The following GAB3 variants were observed in gnomAD, a reference collection of about 807,000 sequenced individuals.
GAB3 encodes GRB2-associated-binding protein 3.
A neutral mutation model predicts 40.4 loss-of-function variants in GAB3; 12 were observed. The ratio of observed to expected loss-of-function variants is 0.30; its 90% CI spans 0.19 to 0.48. The LOEUF is 0.48. Among genes scored for constraint, GAB3 ranks in the 20% least tolerant of loss-of-function variants. The pLI is 0.99. For missense variants in GAB3, 381 were observed against 461.9 expected, an observed-to-expected ratio of 0.82 and a Z score of 1.61; for synonymous variants, 154 against 176.7, an observed-to-expected ratio of 0.87 and a Z score of 1.02.
intron 1 of GAB3, among the ~76,000 whole-genome samples, chrX:154,747,489 T>C: frequency 8.9e-6 from 1 of 112,184 alleles, no homozygotes; most frequent in African/African-American, 3.2e-5. Flanking sequence ...AATATCTAAA[T>C]ATAAAATATA....
At chrX:154,683,136 A>G (rs1557247136) in intron 8 of GAB3, among the ~76,000 whole-genome samples, 1 of 112,186 alleles carries the variant, frequency 8.9e-6, no homozygotes, top group African/African-American at 3.2e-5. Context: ...CGAAAGACCA[A>G]AAAGCTAACG....
chrX:154,718,664 C>G (rs149567686), intron 1 of GAB3, among the ~76,000 whole-genome samples: 10 of 111,062 alleles, frequency 9.0e-5, no homozygotes, highest in African/African-American at 2.6e-4. Flanking sequence ...CTGAGGCAAA[C>G]AGGAACATAA....
At chrX:154,678,540 C>T (rs1243065981) in intron 9 of GAB3, among the ~76,000 whole-genome samples, 3 of 111,792 alleles carry the variant, frequency 2.7e-5, no homozygotes, top group East Asian at 2.8e-4. Flanking sequence ...CATGGCGGCA[C>T]GTGCCTGTAA....
chrX:154,728,843 A>C (rs782478409), intron 1 of GAB3, among the ~76,000 whole-genome samples: 244 of 112,679 alleles, frequency 2.2e-3, no homozygotes, highest in African/African-American at 7.4e-3. Context: ...TGTTGTGGAC[A>C]GCATGACTGA....
At chrX:154,751,175 C>T (rs781958303), upstream of GAB3, 3 of 480,550 alleles carry the variant, frequency 6.2e-6, no homozygotes, top group Non-Finnish European at 7.6e-6. Context: ...GCCGCCGCGG[C>T]CCCCGGGGAG....
intron 4 of GAB3, among the ~76,000 whole-genome samples, chrX:154,708,851 T>G (rs2070860612): frequency 8.9e-6 from 1 of 112,265 alleles, no homozygotes; most frequent in Non-Finnish European, 1.9e-5. Flanking sequence ...GCAATCTCTC[T>G]TCTGGATACA....
At chrX:154,724,685 G>C (rs2071187071) in intron 1 of GAB3, among the ~76,000 whole-genome samples, 1 of 112,528 alleles carries the variant, frequency 8.9e-6, no homozygotes, top group African/African-American at 3.2e-5. Flanking sequence ...GGTGTGTTTA[G>C]GTCACAGGCT....
At chrX:154,733,786 A>G (rs1314060626) in intron 1 of GAB3, among the ~76,000 whole-genome samples, 1 of 112,212 alleles carries the variant, frequency 8.9e-6, no homozygotes, top group Non-Finnish European at 1.9e-5. Flanking sequence ...AGATTGATCT[A>G]CAATTTTCTT....
chrX:154,723,274 A>C (rs984983627), intron 1 of GAB3, among the ~76,000 whole-genome samples: 3 of 112,302 alleles, frequency 2.7e-5, no homozygotes, highest in Non-Finnish European at 5.6e-5. Context: ...CCGAGTGTCC[A>C]CTATGTGCCA....
intron 1 of GAB3, among the ~76,000 whole-genome samples, chrX:154,750,629 G>A (rs1479263964): frequency 8.9e-6 from 1 of 112,441 alleles, no homozygotes; most frequent in Non-Finnish European, 1.9e-5. Flanking sequence ...GCACGCTTTC[G>A]AGATGTCTCC....
At chrX:154,722,208 T>C (rs1029892728) in intron 1 of GAB3, among the ~76,000 whole-genome samples, 14 of 110,873 alleles carry the variant, frequency 1.3e-4, no homozygotes, top group African/African-American at 4.6e-4. Context: ...TACTGAATGA[T>C]CTGTTTTGTA....
intron 1 of GAB3, among the ~76,000 whole-genome samples, chrX:154,734,737 G>C (rs924442327): frequency 8.9e-6 from 1 of 111,793 alleles, no homozygotes; most frequent in Non-Finnish European, 1.9e-5. Flanking sequence ...AACTGACTTT[G>C]ATCGCTGTTT....
At chrX:154,738,951 C>T (rs1055347472) in intron 1 of GAB3, among the ~76,000 whole-genome samples, 1 of 111,474 alleles carries the variant, frequency 9.0e-6, no homozygotes, top group Non-Finnish European at 1.9e-5. Context: ...AATGATGGAT[C>T]CTTTCTTTTC....
intron 4 of GAB3, among the ~76,000 whole-genome samples, chrX:154,710,148 C>T (rs1286353890): frequency 8.9e-6 from 1 of 112,323 alleles, no homozygotes; most frequent in Non-Finnish European, 1.9e-5. Flanking sequence ...CTTTATTTGT[C>T]AATTAAATAT....
chrX:154,690,449 GC>G (rs1272635791), intron 8 of GAB3, among the ~76,000 whole-genome samples: 2 of 111,789 alleles, frequency 1.8e-5, no homozygotes, highest in Non-Finnish European at 3.8e-5. Flanking sequence ...CTTCTGCACA[GC>G]AAAAGAAACT....
At position 154,750,869 on chromosome X, in the gene GAB3, C is replaced by T. The variant is rs1886191828; in HGVS notation, c.72+85G>A. 7 of 609,669 alleles carry T rather than the reference C, an allele frequency of 1.1e-5. No homozygotes were observed. The South Asian group carries it at 4.9e-4, about 42-fold the overall frequency. The allele number at this position is 609,669 out of a possible 1,213,427, so 50.2% of individuals were successfully genotyped here. A position where few individuals can be genotyped will look rare whatever the true frequency, so the allele number is the denominator to read the frequency against. On this transcript the variant is annotated intron_variant, in intron 1 of 9. Coordinates refer to ENST00000424127, the MANE Select transcript of GAB3 (RefSeq NM_001081573.3). ...TGGGAGCGGCTGCGCCTGGCGCGCC[C>T]GGAGCCCAGCGGCTCCCCGCGGCCG... is the stretch of plus-strand genomic sequence containing the variant.
intron 8 of GAB3, 39 bp from the exon 9 acceptor site, chrX:154,680,287 T>G: frequency 4.9e-6 from 5 of 1,014,336 alleles, no homozygotes; most frequent in Non-Finnish European, 6.9e-6. Context: ...TAATGATGTC[T>G]ATCTTGGTTG....
intron 5 of GAB3, among the ~76,000 whole-genome samples, chrX:154,699,761 A>G (rs1172229690): frequency 8.9e-6 from 1 of 112,025 alleles, no homozygotes; most frequent in East Asian, 2.8e-4. Context: ...AAATGCTTTA[A>G]GCATAAAGTG....
At chrX:154,702,227 T>C (rs962559558) in intron 4 of GAB3, among the ~76,000 whole-genome samples, 11 of 111,896 alleles carry the variant, frequency 9.8e-5, no homozygotes, top group East Asian at 8.3e-4. Context: ...GTGAACTCAT[T>C]TTTGACAAAG....
Sources: gnomAD v4.1 joint callset for allele counts (sites outside exome capture counted in the v4.1 genomes callset) on GRCh38, gnomAD v4.1.1 for gene constraint, MANE v1.5 for transcripts, NCBI Gene and HGNC (gene_info 2026-07-23, HGNC 2026-07-21) for gene names.